Variants in CDC5L observed in about 807,000 individuals in gnomAD.
CDC5L encodes the protein cell division cycle 5-like protein.
CDC5L carries 18 observed loss-of-function variants against 104.1 expected under a neutral mutation model. The observed-to-expected ratio is 0.17, with a 90% CI of 0.12 to 0.26. The LOEUF is 0.26. Among genes scored for constraint, CDC5L ranks in the 10% least tolerant of loss-of-function variants. The pLI is 1.00. For synonymous variants in CDC5L, 331 were observed against 322.7 expected, an observed-to-expected ratio of 1.03 and a Z score of -0.28; for missense variants, 673 against 956.9, an observed-to-expected ratio of 0.70 and a Z score of 3.91.
chr6:44,430,850 C>T (rs1398393200), intron 14 of CDC5L, among the ~76,000 whole-genome samples: 4 of 152,062 alleles, frequency 2.6e-5, no homozygotes, highest in Admixed American at 6.6e-5. Flanking sequence ...GGATTACAGG[C>T]GTGAGCCACC....
At chr6:44,396,105 G>A (rs1790857560) in intron 4 of CDC5L, among the ~76,000 whole-genome samples, 1 of 152,184 alleles carries the variant, frequency 6.6e-6, no homozygotes, top group African/African-American at 2.4e-5. Flanking sequence ...GGGAAACCAT[G>A]CTTAGGGAGG....
rs377117589 is a variant in CDC5L, at chr6:44,408,434, G to A, written c.904-10G>A. The stretch of plus-strand genomic sequence containing the variant: ...AAATGTTGCTTACTATGATAATTGT[G>A]TCCTTTTAGATTTCAGATGCAGAAC... On this transcript the variant is annotated splice_polypyrimidine_tract_variant and intron_variant, in intron 7 of 15. Coordinates refer to ENST00000371477, the MANE Select transcript of CDC5L (RefSeq NM_001253.4). The A allele has an allele frequency of 1.0e-4, 166 of 1,603,234 alleles. 2 individuals are homozygous for A. The African/African-American group carries it at 2.1e-3, about 20-fold the overall frequency.
chr6:44,416,035 C>T (rs1006637828), intron 8 of CDC5L, among the ~76,000 whole-genome samples: 17 of 152,076 alleles, frequency 1.1e-4, no homozygotes, highest in Admixed American at 4.6e-4. Context: ...GTGATAAAGG[C>T]GGTACCTCTG....
In CDC5L at chr6:44,426,649, T is replaced by C; in HGVS notation, c.1818T>C (p.Gly606=). The stretch of plus-strand genomic sequence containing the variant: ...AAAAAGGCAAAACTGTAGGGTTTGG[T>C]ACCAATAATTCAGAGCACATTACCT... ...GNKKGKTVGF[G]TNNSEHITYL... Residue 606 remains glycine (G), a synonymous_variant, in exon 13 of 16, where the codon GGT becomes GGC. Transcript: ENST00000371477. The C allele has an allele frequency of 5.0e-6, 8 of 1,613,198 alleles. No individual in the cohort carries two copies. Among genetic ancestry groups the C allele is most frequent in the Non-Finnish European group, 6.8e-6 (8 of 1,179,384 alleles).
intron 8 of CDC5L, among the ~76,000 whole-genome samples, chr6:44,412,577 T>G (rs981321268): frequency 6.7e-5 from 10 of 148,428 alleles, no homozygotes; most frequent in African/African-American, 2.5e-4. Flanking sequence ...AGTGTGAATA[T>G]TCACACTTGA....
At chr6:44,402,638 A>G (rs1561969524) in intron 5 of CDC5L, among the ~76,000 whole-genome samples, 1 of 152,222 alleles carries the variant, frequency 6.6e-6, no homozygotes, top group Non-Finnish European at 1.5e-5. Context: ...ATGCAAAGAA[A>G]AAAAGTAAAA....
At chr6:44,408,301 T>A in intron 7 of CDC5L, 143 bp from the exon 8 acceptor site, 2 of 452,574 alleles carry the variant, frequency 4.4e-6, no homozygotes, top group East Asian at 6.8e-5. Flanking sequence ...ACAGTTTTGC[T>A]GTGTTGCCCA....
intron 10 of CDC5L, among the ~76,000 whole-genome samples, chr6:44,423,096 T>C (rs1417101887): frequency 6.6e-6 from 1 of 152,186 alleles, no homozygotes; most frequent in East Asian, 1.9e-4. Context: ...AAAAGTTAAG[T>C]TTTGCTTCTG....
intron 8 of CDC5L, among the ~76,000 whole-genome samples, chr6:44,416,827 CT>C (rs1791929235): frequency 1.3e-5 from 2 of 152,144 alleles, no homozygotes; most frequent in Non-Finnish European, 2.9e-5. Flanking sequence ...GGAATATATA[CT>C]TTTGCCATTT....
At chr6:44,438,338 GA>G (rs1793030072) in intron 14 of CDC5L, among the ~76,000 whole-genome samples, 1 of 152,142 alleles carries the variant, frequency 6.6e-6, no homozygotes, top group Admixed American at 6.5e-5. Flanking sequence ...CTTTTTGGTA[GA>G]TATAGTTGAG....
At chr6:44,438,373 G>GTAATGAC (rs1276857940) in intron 14 of CDC5L, among the ~76,000 whole-genome samples, 13 of 152,210 alleles carry the variant, frequency 8.5e-5, no homozygotes, top group Admixed American at 3.9e-4. Flanking sequence ...CCTAGCTTGT[G>GTAATGAC]TAATGACTCT....
intron 14 of CDC5L, among the ~76,000 whole-genome samples, chr6:44,444,788 T>G (rs1333185016): frequency 6.6e-6 from 1 of 152,150 alleles, no homozygotes; most frequent in African/African-American, 2.4e-5. Flanking sequence ...CTAGGAGATT[T>G]AGGATATAGT....
intron 5 of CDC5L, 63 bp downstream of exon 5, chr6:44,396,503 AC>A: frequency 9.0e-6 from 9 of 1,001,416 alleles, no homozygotes; most frequent in Non-Finnish European, 1.4e-5. Context: ...AACACAGAAT[AC>A]TTCTGTGACC....
intron 13 of CDC5L, 75 bp from the exon 14 acceptor site, chr6:44,429,638 T>C (rs1792588663): frequency 2.3e-6 from 3 of 1,314,036 alleles, no homozygotes; most frequent in Non-Finnish European, 2.1e-6. Flanking sequence ...AGGGAAAAAA[T>C]TAGTCTTCTA....
chr6:44,389,841 G>A (rs1353774255), intron 1 of CDC5L, among the ~76,000 whole-genome samples: 3 of 152,206 alleles, frequency 2.0e-5, no homozygotes, highest in Admixed American at 1.3e-4. Flanking sequence ...ATGTTTCAAG[G>A]TAGATGTTCA....
At chr6:44,399,168 GTCTTGAAC>G (rs1791005290) in intron 5 of CDC5L, among the ~76,000 whole-genome samples, 1 of 152,162 alleles carries the variant, frequency 6.6e-6, no homozygotes. Flanking sequence ...GCCCAGGCTG[GTCTTGAAC>G]TCCTGACCTC....
intron 4 of CDC5L, among the ~76,000 whole-genome samples, chr6:44,393,981 A>G (rs1790738029): frequency 6.6e-6 from 1 of 152,192 alleles, no homozygotes; most frequent in African/African-American, 2.4e-5. Flanking sequence ...TTCTGTCAGC[A>G]GTGTTCTTAT....
chr6:44,441,810 C>G (rs191176723), intron 14 of CDC5L, among the ~76,000 whole-genome samples: 1 of 151,270 alleles, frequency 6.6e-6, no homozygotes, highest in Admixed American at 6.6e-5. Flanking sequence ...AATAGGGTTA[C>G]TTGTTTTTTA....
intron 14 of CDC5L, among the ~76,000 whole-genome samples, chr6:44,431,172 T>C (rs548501867): frequency 6.6e-6 from 1 of 152,192 alleles, no homozygotes; most frequent in African/African-American, 2.4e-5. Context: ...TAAGATCACA[T>C]ATATATAGGT....
Sources: allele counts gnomAD v4.1 joint callset (sites outside exome capture counted in the v4.1 genomes callset), GRCh38; gene constraint gnomAD v4.1.1; transcripts MANE v1.5; gene names NCBI Gene and HGNC (gene_info 2026-07-23, HGNC 2026-07-21).